Variants in FRMD4A observed in about 807,000 individuals in gnomAD.
The protein encoded by FRMD4A is FERM domain-containing protein 4A.
Under a neutral mutation model 129.1 loss-of-function variants are expected in FRMD4A, and 29 were observed. That is an observed-to-expected ratio of 0.22 (90% CI 0.17 to 0.31). The LOEUF (loss-of-function observed/expected upper bound fraction) is 0.31, where lower values mean the gene tolerates loss of function less well. Among genes scored for constraint, FRMD4A ranks in the 10% least tolerant of loss-of-function variants. The pLI, the probability that FRMD4A is intolerant of heterozygous loss-of-function variation, is 1.00. For synonymous variants in FRMD4A, 634 were observed against 571.6 expected, an observed-to-expected ratio of 1.11 and a Z score of -1.56; for missense variants, 1,272 against 1,375.8, an observed-to-expected ratio of 0.92 and a Z score of 1.19.
chr10:14,137,119 A>C (rs1260648706), intron 2 of FRMD4A, among the ~76,000 whole-genome samples: 6 of 152,262 alleles, frequency 3.9e-5, no homozygotes, highest in African/African-American at 1.4e-4. Context: ...GATCCAGCAG[A>C]CATGAGCAAA....
intron 3 of FRMD4A, among the ~76,000 whole-genome samples, chr10:13,845,690 G>A (rs1402764936): frequency 2.6e-5 from 4 of 152,182 alleles, no homozygotes. Flanking sequence ...CGCTTCAGAT[G>A]TTCTAGTGAA....
At chr10:14,149,848 T>C (rs1422204463) in intron 2 of FRMD4A, among the ~76,000 whole-genome samples, 1 of 152,116 alleles carries the variant, frequency 6.6e-6, no homozygotes, top group Non-Finnish European at 1.5e-5. Context: ...TTCCTGTAGG[T>C]CCTGTTTTAG....
At chr10:14,130,208 T>C (rs2131826652) in intron 2 of FRMD4A, among the ~76,000 whole-genome samples, 1 of 152,318 alleles carries the variant, frequency 6.6e-6, no homozygotes, top group East Asian at 1.9e-4. Flanking sequence ...CCTTCCTCCA[T>C]GACACTGGCC....
intron 2 of FRMD4A, among the ~76,000 whole-genome samples, chr10:14,173,640 C>T (rs1193849873): frequency 6.6e-6 from 1 of 152,106 alleles, no homozygotes; most frequent in Non-Finnish European, 1.5e-5. Flanking sequence ...CGTGTTACTC[C>T]TCCTGCTAAA....
At chr10:14,123,385 G>A (rs531573199) in intron 2 of FRMD4A, among the ~76,000 whole-genome samples, 1 of 152,310 alleles carries the variant, frequency 6.6e-6, no homozygotes, top group South Asian at 2.1e-4. Flanking sequence ...GAAGTTTTCA[G>A]CAACTGCATA....
At chr10:13,761,605 G>T in intron 8 of FRMD4A, 42 bp downstream of exon 8, 1 of 1,464,722 alleles carries the variant, frequency 6.8e-7, no homozygotes, top group Non-Finnish European at 9.5e-7. Context: ...AGAAGCAAGG[G>T]CTTACATTTT....
intron 2 of FRMD4A, among the ~76,000 whole-genome samples, chr10:13,965,724 C>T (rs891575508): frequency 2.6e-5 from 4 of 152,036 alleles, no homozygotes; most frequent in African/African-American, 9.7e-5. Context: ...GGAAATAAAC[C>T]TTTCTTTCTT....
chr10:14,210,234 G>C (rs1245045027), intron 2 of FRMD4A, among the ~76,000 whole-genome samples: 1 of 152,092 alleles, frequency 6.6e-6, no homozygotes, highest in Non-Finnish European at 1.5e-5. Context: ...TTGTAAAATG[G>C]GCCCAAGGGA....
intron 2 of FRMD4A, among the ~76,000 whole-genome samples, chr10:14,123,556 G>A (rs567082145): frequency 7.5e-4 from 114 of 152,296 alleles, no homozygotes; most frequent in African/African-American, 2.2e-3. Context: ...ACTTAATTGG[G>A]CAGTCCCCCA....
intron 6 of FRMD4A, among the ~76,000 whole-genome samples, chr10:13,775,149 C>T (rs1313936622): frequency 6.6e-6 from 1 of 152,104 alleles, no homozygotes; most frequent in African/African-American, 2.4e-5. Flanking sequence ...AGGACACAGG[C>T]AAGAGGGGAG....
chr10:14,328,374 G>T (rs79503343), intron 2 of FRMD4A, among the ~76,000 whole-genome samples: 23 of 130,722 alleles, frequency 1.8e-4, no homozygotes, highest in East Asian at 4.9e-4. Context: ...GTGGGTGGGG[G>T]GGGGGGGTGT....
At position 13,746,657 on chromosome 10, in the gene FRMD4A, C is replaced by T. The variant is rs116631809; in HGVS notation, c.548+1079G>A. Among the ~76,000 whole-genome samples the T allele has an allele frequency of 3.2e-3, 491 of 152,224 alleles. 4 individuals carry two copies. The highest frequency in any genetic ancestry group is 0.011 in the African/African-American group (461 of 41,530). On this transcript the variant is annotated intron_variant, in intron 9 of 24. Transcript: ENST00000357447. ...TCATCAAAAGCACTTACACAAGTCA[C>T]GTATTGTAGTTTATTAGAATCAACT...
chr10:13,907,527 T>C (rs1051444588), intron 2 of FRMD4A, among the ~76,000 whole-genome samples: 3 of 152,194 alleles, frequency 2.0e-5, no homozygotes, highest in African/African-American at 7.2e-5. Context: ...CGCCGATTCT[T>C]ACAATACTTA....
chr10:14,036,806 G>A (rs1035634736), intron 2 of FRMD4A, among the ~76,000 whole-genome samples: 6 of 152,052 alleles, frequency 3.9e-5, no homozygotes, highest in East Asian at 1.9e-4. Context: ...GACTGGTCTC[G>A]AACTCCTGAC....
chr10:13,677,263 T>C (rs2084087604), intron 15 of FRMD4A, among the ~76,000 whole-genome samples: 2 of 152,186 alleles, frequency 1.3e-5, no homozygotes, highest in African/African-American at 2.4e-5. Context: ...ATAGAGAATA[T>C]ATCTGTCACC....
At chr10:14,131,002 C>T (rs1839219180) in intron 2 of FRMD4A, among the ~76,000 whole-genome samples, 1 of 152,196 alleles carries the variant, frequency 6.6e-6, no homozygotes, top group African/African-American at 2.4e-5. Context: ...GCATGCCTGA[C>T]ACCAGGAGGA....
intron 2 of FRMD4A, among the ~76,000 whole-genome samples, chr10:13,967,172 T>C (rs988421359): frequency 1.3e-5 from 2 of 152,098 alleles, no homozygotes; most frequent in African/African-American, 4.8e-5. Context: ...CTGTCTCTAC[T>C]AAAAATACAA....
chr10:14,319,185 G>A (rs1846870962), intron 2 of FRMD4A, among the ~76,000 whole-genome samples: 1 of 152,124 alleles, frequency 6.6e-6, no homozygotes, highest in Admixed American at 6.5e-5. Flanking sequence ...GCTCTTCCCA[G>A]CTGAAGCTCC....
chr10:13,890,182 G>C (rs1055813108), intron 2 of FRMD4A, among the ~76,000 whole-genome samples: 7 of 152,316 alleles, frequency 4.6e-5, no homozygotes, highest in African/African-American at 1.4e-4. Flanking sequence ...AACATAAATG[G>C]GGCTTAATGC....
Sources: gnomAD v4.1 joint callset for allele counts (sites outside exome capture counted in the v4.1 genomes callset) on GRCh38, gnomAD v4.1.1 for gene constraint, MANE v1.5 for transcripts, NCBI Gene and HGNC (gene_info 2026-07-23, HGNC 2026-07-21) for gene names.